Variants in RASA1 observed in about 807,000 individuals in gnomAD.
RASA1 encodes ras GTPase-activating protein 1.
In RASA1, 25 loss-of-function variants were observed where a neutral mutation model predicts 132.2. The observed-to-expected ratio is 0.19, with a 90% CI of 0.14 to 0.26. RASA1 has a LOEUF of 0.26. RASA1 is among the 10% of genes least tolerant of loss of function. The pLI is 1.00. For synonymous variants in RASA1, 477 were observed against 449.9 expected (o/e 1.06, Z -0.76); for missense variants, 964 against 1,299.2 (o/e 0.74, Z 3.97).
intron 1 of RASA1, among the ~76,000 whole-genome samples, chr5:87,287,688 TAG>T: frequency 1.4e-5 from 2 of 143,418 alleles, no homozygotes; most frequent in East Asian, 4.1e-4. Context: ...GTACACGCCA[TAG>T]ATATATACCA....
At chr5:87,338,536 A>ATATATATATATATATTTTT in intron 5 of RASA1, among the ~76,000 whole-genome samples, 4 of 85,220 alleles carry the variant, frequency 4.7e-5, no homozygotes, top group East Asian at 4.9e-4. Flanking sequence ...TATATATAAA[A>ATATATATATATATATTTTT]TTTTTTTTTT....
intron 13 of RASA1, among the ~76,000 whole-genome samples, 174 bp from the exon 14 acceptor site, chr5:87,373,989 G>C (rs1445452742): frequency 6.6e-6 from 1 of 151,416 alleles, no homozygotes; most frequent in Non-Finnish European, 1.5e-5. Flanking sequence ...TTAAATGTCT[G>C]AATGTTTTAA....
chr5:87,287,643 CAT>C (rs1236334026), intron 1 of RASA1, among the ~76,000 whole-genome samples: 2 of 143,358 alleles, frequency 1.4e-5, no homozygotes, highest in African/African-American at 5.5e-5. Flanking sequence ...ATAGATATAC[CAT>C]ATATATACAC....
At chr5:87,339,106 T>G (rs1758252589) in intron 5 of RASA1, among the ~76,000 whole-genome samples, 1 of 152,180 alleles carries the variant, frequency 6.6e-6, no homozygotes, top group Non-Finnish European at 1.5e-5. Context: ...GCTACTGTTT[T>G]TAAATTATGC....
intron 24 of RASA1, 50 bp downstream of exon 24, chr5:87,389,577 T>C (rs914617068): frequency 3.9e-5 from 62 of 1,600,380 alleles, no homozygotes; most frequent in Non-Finnish European, 2.0e-5. Flanking sequence ...AGATAACACT[T>C]AGAGAGTTAA....
intron 1 of RASA1, among the ~76,000 whole-genome samples, chr5:87,272,462 C>T (rs758056537): frequency 1.3e-5 from 2 of 151,530 alleles, no homozygotes; most frequent in Non-Finnish European, 2.9e-5. Context: ...CTGCCACTTA[C>T]TAGCTGGGTA....
At chr5:87,375,456 T>G (rs1761262538) in intron 15 of RASA1, among the ~76,000 whole-genome samples, 1 of 152,164 alleles carries the variant, frequency 6.6e-6, no homozygotes, top group African/African-American at 2.4e-5. Context: ...AGACGGGGTT[T>G]CAGCATGTTG....
intron 9 of RASA1, among the ~76,000 whole-genome samples, chr5:87,359,610 G>A (rs1281418048): frequency 6.6e-6 from 1 of 152,146 alleles, no homozygotes; most frequent in Non-Finnish European, 1.5e-5. Context: ...GTTCCATTCT[G>A]CAGCTAATAC....
At chr5:87,312,088 A>G (rs559224983) in intron 1 of RASA1, among the ~76,000 whole-genome samples, 1 of 152,372 alleles carries the variant, frequency 6.6e-6, no homozygotes, top group South Asian at 2.1e-4. Flanking sequence ...AGTATTTTTC[A>G]GATGATCACT....
chr5:87,304,899 T>C (rs1487723903), intron 1 of RASA1, among the ~76,000 whole-genome samples: 1 of 151,870 alleles, frequency 6.6e-6, no homozygotes, highest in Non-Finnish European at 1.5e-5. Context: ...GTTAGGAACT[T>C]TTTAACTTTT....
At chr5:87,330,896 C>T (rs1380687661) in intron 1 of RASA1, 1 of 1,245,646 alleles carries the variant, frequency 8.0e-7, no homozygotes, top group African/African-American at 1.5e-5. Flanking sequence ...TGTCGCAGGG[C>T]ACAAACACTA....
At position 87,268,597 on chromosome 5, in the gene RASA1, A is replaced by T; in HGVS notation, c.146A>T (p.Tyr49Phe). 6.2e-7 allele frequency: 1 copy of T among 1,611,056 alleles called. No individual in the cohort carries two copies. The highest frequency in any genetic ancestry group is 8.5e-7 in the Non-Finnish European group (1 of 1,179,194). The part of the protein sequence containing the change: ...PAALPVAAAP[Y>F]PGLVETGVAG... ...GCCCTGCCTGTGGCAGCCGCCCCCT[A>T]TCCTGGGCTGGTGGAGACCGGAGTG... is the stretch of plus-strand genomic sequence containing the variant. The change falls in exon 1 of 25, where the codon TAT becomes TTT. Residue 49 changes from tyrosine (Y) to phenylalanine (F), a missense_variant. By Grantham distance (22) the Tyr-to-Phe change is conservative. This residue lies in a region of RASA1 where 326 missense variants were observed against 275.8 expected (regional missense o/e 1.18). Transcript: ENST00000274376.
intron 1 of RASA1, among the ~76,000 whole-genome samples, chr5:87,310,338 T>C (rs1755817571): frequency 6.6e-6 from 1 of 152,168 alleles, no homozygotes; most frequent in African/African-American, 2.4e-5. Context: ...ATCAAAATAT[T>C]TGCAAGCAAA....
At chr5:87,338,197 A>G in intron 5 of RASA1, 106 bp downstream of exon 5, 1 of 1,541,598 alleles carries the variant, frequency 6.5e-7, no homozygotes, top group South Asian at 1.2e-5. Flanking sequence ...CTTTTATAAA[A>G]GAACTTAATT....
intron 6 of RASA1, among the ~76,000 whole-genome samples, chr5:87,344,416 A>T (rs530523915): frequency 6.6e-6 from 1 of 152,238 alleles, no homozygotes; most frequent in Non-Finnish European, 1.5e-5. Context: ...CTAAAAAATG[A>T]TCTGTTATCT....
intron 11 of RASA1, among the ~76,000 whole-genome samples, chr5:87,365,695 A>G (rs1760462716): frequency 6.6e-6 from 1 of 152,084 alleles, no homozygotes; most frequent in Non-Finnish European, 1.5e-5. Context: ...TAGACTCATA[A>G]GATAAAAAAT....
At chr5:87,387,640 C>CAGAA (rs1359379276) in intron 23 of RASA1, among the ~76,000 whole-genome samples, 10 of 152,040 alleles carry the variant, frequency 6.6e-5, no homozygotes, top group African/African-American at 2.4e-4. Context: ...ATTGAGGTGT[C>CAGAA]CATGTTCTGT....
At chr5:87,345,059 G>C (rs1033783647) in intron 6 of RASA1, among the ~76,000 whole-genome samples, 1 of 151,616 alleles carries the variant, frequency 6.6e-6, no homozygotes, top group Non-Finnish European at 1.5e-5. Context: ...GGCTGGTCTT[G>C]GACTCTTGGG....
intron 3 of RASA1, among the ~76,000 whole-genome samples, chr5:87,332,882 C>G (rs1487325649): frequency 6.6e-6 from 1 of 151,944 alleles, no homozygotes; most frequent in African/African-American, 2.4e-5. Flanking sequence ...TGGTGATAGC[C>G]TAACAAATAT....
Sources: allele counts gnomAD v4.1 joint callset (sites outside exome capture counted in the v4.1 genomes callset), GRCh38; gene constraint gnomAD v4.1.1; regional missense constraint gnomAD v4.1.1; transcripts MANE v1.5; gene names NCBI Gene and HGNC (gene_info 2026-07-23, HGNC 2026-07-21).